The following EFR3A variants were observed in gnomAD, a reference collection of about 807,000 sequenced individuals.
EFR3A encodes the protein protein EFR3 homolog A.
EFR3A carries 76 observed loss-of-function variants against 104.4 expected under a neutral mutation model. The observed-to-expected ratio is 0.73, with a 90% confidence interval of 0.60 to 0.88. The LOEUF (loss-of-function observed/expected upper bound fraction) is 0.88. EFR3A is among the 40% of genes least tolerant of loss of function. The pLI is 0.00. For synonymous variants in EFR3A, 330 were observed against 330.0 expected, an observed-to-expected ratio of 1.00 and a Z score of 0.00; for missense variants, 985 against 1,012.5, an observed-to-expected ratio of 0.97 and a Z score of 0.37.
intron 22 of EFR3A, among the ~76,000 whole-genome samples, chr8:132,007,258 A>G (rs1563713552): frequency 6.6e-6 from 1 of 151,962 alleles, no homozygotes. Flanking sequence ...AAAAAACCCT[A>G]CTAGAGTTAA....
intron 1 of EFR3A, among the ~76,000 whole-genome samples, 159 bp downstream of exon 1, chr8:131,904,481 C>T (rs1056745437): frequency 7.2e-5 from 11 of 152,246 alleles, no homozygotes; most frequent in Non-Finnish European, 1.6e-4. Flanking sequence ...TCGGCTTAGC[C>T]TTCCGGAGAT....
chr8:131,973,307 A>G (rs947514845), intron 10 of EFR3A, among the ~76,000 whole-genome samples: 1 of 151,974 alleles, frequency 6.6e-6, no homozygotes, highest in African/African-American at 2.4e-5. Flanking sequence ...TCGGTTATTT[A>G]TAGATTTTTT....
intron 22 of EFR3A, among the ~76,000 whole-genome samples, chr8:132,007,365 C>T (rs1444446656): frequency 1.3e-5 from 2 of 151,588 alleles, no homozygotes; most frequent in East Asian, 3.9e-4. Context: ...TAACAACAAA[C>T]AATTGCAAGA....
intron 18 of EFR3A, among the ~76,000 whole-genome samples, chr8:131,991,370 G>A (rs763223930): frequency 9.2e-5 from 14 of 152,026 alleles, no homozygotes; most frequent in Non-Finnish European, 1.8e-4. Flanking sequence ...TTCAAGTGAA[G>A]AAGGAAAGAA....
intron 8 of EFR3A, among the ~76,000 whole-genome samples, chr8:131,963,317 C>T (rs997485126): frequency 6.6e-6 from 1 of 152,120 alleles, no homozygotes; most frequent in African/African-American, 2.4e-5. Flanking sequence ...AATTGATAGA[C>T]TGCTAGCAAG....
chr8:131,995,722 CAG>C (rs1821441504), intron 18 of EFR3A, among the ~76,000 whole-genome samples: 1 of 152,210 alleles, frequency 6.6e-6, no homozygotes, highest in East Asian at 1.9e-4. Flanking sequence ...AGTGAAAAAT[CAG>C]AGCAATTTGT....
At chr8:131,987,258 G>T (rs893118963) in intron 17 of EFR3A, among the ~76,000 whole-genome samples, 1 of 151,790 alleles carries the variant, frequency 6.6e-6, no homozygotes, top group Non-Finnish European at 1.5e-5. Context: ...TAATTAACAT[G>T]ACAATAAAAG....
chr8:131,992,493 TA>T (rs1406235682), intron 18 of EFR3A, among the ~76,000 whole-genome samples: 1 of 152,048 alleles, frequency 6.6e-6, no homozygotes, highest in Non-Finnish European at 1.5e-5. Context: ...TGTGTATGGA[TA>T]TATAGGTCAG....
Position 131,949,976 on chromosome 8 carries a change from A to T in EFR3A, c.374A>T (p.Lys125Ile). The T allele has an allele frequency of 1.3e-6, 2 of 1,591,538 alleles. No individual in the cohort carries two copies. Among genetic ancestry groups the T allele is most frequent in the Non-Finnish European group, 1.7e-6 (2 of 1,171,736 alleles). ...LQVLGTNSFV[K>I]FANIEEDTPS... ...ATTATTTGTGTTTTTTAGTTTGTCA[A>T]ATTTGCAAATATTGAAGAAGACACA... Residue 125 changes from lysine to isoleucine, a missense_variant, in exon 5 of 23, where the codon AAA (lysine) becomes ATA (isoleucine). Transcript: ENST00000254624.
intron 1 of EFR3A, among the ~76,000 whole-genome samples, chr8:131,932,868 A>G (rs1285068600): frequency 1.3e-5 from 2 of 152,126 alleles, no homozygotes; most frequent in Admixed American, 1.3e-4. Context: ...GTTCCATTAT[A>G]AATTGTGGAT....
chr8:131,958,062 G>A (rs560553018), intron 7 of EFR3A, among the ~76,000 whole-genome samples: 1 of 152,230 alleles, frequency 6.6e-6, no homozygotes, highest in African/African-American at 2.4e-5. Context: ...TTGAGCCAGG[G>A]CCAGTATGTT....
At chr8:131,972,293 T>C in intron 10 of EFR3A, among the ~76,000 whole-genome samples, 1 of 149,304 alleles carries the variant, frequency 6.7e-6, no homozygotes, top group East Asian at 2.0e-4. Context: ...CTTACTTGAG[T>C]AAGCGGTTCC....
intron 10 of EFR3A, among the ~76,000 whole-genome samples, chr8:131,973,821 A>C (rs1436418922): frequency 6.6e-6 from 1 of 152,128 alleles, no homozygotes; most frequent in Non-Finnish European, 1.5e-5. Flanking sequence ...AAATACAAAC[A>C]GTAGGTATAG....
intron 1 of EFR3A, among the ~76,000 whole-genome samples, chr8:131,915,613 G>A (rs1185313266): frequency 6.6e-6 from 1 of 152,212 alleles, no homozygotes; most frequent in African/African-American, 2.4e-5. Flanking sequence ...GCCCAGGGGA[G>A]AGACTGCACC....
intron 22 of EFR3A, among the ~76,000 whole-genome samples, chr8:132,006,421 T>C (rs1276192848): frequency 6.6e-6 from 1 of 151,472 alleles, no homozygotes; most frequent in East Asian, 1.9e-4. Flanking sequence ...TTTATGACAA[T>C]AAATTCAACA....
intron 1 of EFR3A, among the ~76,000 whole-genome samples, chr8:131,907,266 T>C (rs1816301240): frequency 1.3e-5 from 2 of 152,248 alleles, no homozygotes; most frequent in Non-Finnish European, 1.5e-5. Context: ...ACTGGTGTGC[T>C]AAGTAGATTC....
Position 131,979,381 on chromosome 8 carries a change from G to T in EFR3A, c.1535G>T (p.Arg512Ile). 1.3e-6 allele frequency: 2 copies of T among 1,568,246 alleles called. No homozygotes were observed. The highest frequency in any genetic ancestry group is 1.2e-5 in the South Asian group (1 of 85,066). Residue 512 changes from arginine (R) to isoleucine (I), a missense_variant, in exon 14 of 23, where the codon AGA becomes ATA. Coordinates refer to ENST00000254624, the MANE Select transcript of EFR3A (RefSeq NM_015137.6). ...IPDVADLKIKREKICRQDTSF... is the reference protein window; with the variant it reads ...IPDVADLKIKIEKICRQDTSF... ...GATGTAGCTGACCTAAAGATAAAAAGAGAAAAAATTTGCAGACAAGACACA... is the reference window on the plus strand; with the variant it reads ...GATGTAGCTGACCTAAAGATAAAAATAGAAAAAATTTGCAGACAAGACACA...
intron 1 of EFR3A, among the ~76,000 whole-genome samples, chr8:131,928,318 G>A (rs904237116): frequency 1.3e-5 from 2 of 152,068 alleles, no homozygotes; most frequent in African/African-American, 4.8e-5. Flanking sequence ...GACATTAAAT[G>A]CTAAATGAAG....
At chr8:132,004,791 G>A (rs1821955361) in intron 22 of EFR3A, among the ~76,000 whole-genome samples, 2 of 152,180 alleles carry the variant, frequency 1.3e-5, no homozygotes. Flanking sequence ...CCAAGGCTTA[G>A]AGAAAAGTAA....
Sources: allele counts gnomAD v4.1 joint callset (sites outside exome capture counted in the v4.1 genomes callset), GRCh38; gene constraint gnomAD v4.1.1; transcripts MANE v1.5; gene names NCBI Gene and HGNC (gene_info 2026-07-23, HGNC 2026-07-21).